AHI1: variants seen among roughly 807,000 people sequenced by gnomAD.
The protein encoded by AHI1 is jouberin.
Under a neutral mutation model 149.3 loss-of-function variants are expected in AHI1, and 123 were observed. The ratio of observed to expected loss-of-function variants is 0.82; its 90% CI spans 0.71 to 0.96. The LOEUF (loss-of-function observed/expected upper bound fraction) is 0.96, where lower values mean the gene tolerates loss of function less well. AHI1 is among the 40% of genes least tolerant of loss of function. The pLI, the probability that AHI1 is intolerant of heterozygous loss-of-function variation, is 0.00. For missense variants in AHI1, 1,439 were observed against 1,422.7 expected (o/e 1.01, Z -0.18); for synonymous variants, 475 against 459.8 (o/e 1.03, Z -0.42).
At position 135,463,324 on chromosome 6, in the gene AHI1, G is replaced by GT. The variant is rs778758797; in HGVS notation, c.750-19dup. 8.9e-6 allele frequency: 14 copies of GT among 1,565,380 alleles called. No homozygotes were observed. In the African/African-American group the frequency reaches 1.5e-4, roughly 17 times the overall value. ...TCAATGTACTACAAATATAATCCAA[G>GT]TATCAGCCATTACAGATATATTATC... On this transcript the variant is annotated intron_variant, in intron 7 of 28. Coordinates refer to ENST00000265602, the MANE Select transcript of AHI1 (RefSeq NM_001134831.2).
chr6:135,370,678 C>G (rs899086462), intron 23 of AHI1, among the ~76,000 whole-genome samples: 1 of 152,186 alleles, frequency 6.6e-6, no homozygotes, highest in African/African-American at 2.4e-5. Context: ...GTGACCACAT[C>G]TCTTTGATGG....
chr6:135,454,027 GA>G (rs1788537001), intron 10 of AHI1, among the ~76,000 whole-genome samples: 2 of 152,070 alleles, frequency 1.3e-5, no homozygotes, highest in Admixed American at 1.3e-4. Context: ...GCTCAGCTGC[GA>G]AAATGAGATT....
At chr6:135,442,066 G>A (rs1388363753) in intron 14 of AHI1, among the ~76,000 whole-genome samples, 1 of 152,134 alleles carries the variant, frequency 6.6e-6, no homozygotes, top group African/African-American at 2.4e-5. Context: ...GTCTAGAACA[G>A]TATGATAATG....
chr6:135,451,092 G>A (rs1469087905), intron 11 of AHI1, among the ~76,000 whole-genome samples: 1 of 151,908 alleles, frequency 6.6e-6, no homozygotes, highest in Non-Finnish European at 1.5e-5. Context: ...CATTCCCTGT[G>A]TCCAAGCAAT....
intron 22 of AHI1, among the ~76,000 whole-genome samples, chr6:135,399,137 T>C (rs554707607): frequency 2.0e-5 from 3 of 152,230 alleles, no homozygotes; most frequent in Non-Finnish European, 2.9e-5. Flanking sequence ...TGAGCTGTGA[T>C]GATGCTACTG....
rs1200875878 is a variant in AHI1, at chr6:135,466,333, G to A, written c.230C>T (p.Thr77Ile). The A allele has an allele frequency of 6.2e-7, 1 of 1,613,848 alleles. No homozygotes were observed. The highest frequency in any genetic ancestry group is 2.2e-5 in the East Asian group (1 of 44,876). Residue 77 changes from threonine to isoleucine, a missense_variant, in exon 7 of 29, where the codon ACT (threonine) becomes ATT (isoleucine). Thr to Ile is a moderately conservative substitution (Grantham distance 89, BLOSUM62 -1). Transcript: ENST00000265602. ...IRSNLPHIKE[T>I]TSDDVSAANT... is the part of the protein sequence containing the mutation. The stretch of plus-strand genomic sequence containing the variant: ...AGCAGCACTTACATCATCACTTGTA[G>A]TTTCTTTAATATGGGGAAGATTGCT...
At chr6:135,444,719 T>TA (rs1312125998) in intron 13 of AHI1, among the ~76,000 whole-genome samples, 5 of 152,270 alleles carry the variant, frequency 3.3e-5, no homozygotes. Context: ...AGTAACTTGC[T>TA]AACTTTAAAT....
At chr6:135,377,651 T>C (rs1467034213) in intron 23 of AHI1, among the ~76,000 whole-genome samples, 2 of 151,968 alleles carry the variant, frequency 1.3e-5, no homozygotes, top group African/African-American at 4.8e-5. Flanking sequence ...AGCTACTTTT[T>C]AAATTTTTTT....
At chr6:135,463,784 C>T (rs760972867) in intron 7 of AHI1, among the ~76,000 whole-genome samples, 1 of 151,864 alleles carries the variant, frequency 6.6e-6, no homozygotes, top group Non-Finnish European at 1.5e-5. Flanking sequence ...CTGGGTTTCG[C>T]GCTGTCGCCC....
intron 27 of AHI1, among the ~76,000 whole-genome samples, chr6:135,296,128 T>C (rs1007076170): frequency 3.3e-5 from 5 of 152,236 alleles, no homozygotes; most frequent in Admixed American, 1.3e-4. Context: ...GTGCTAGGAT[T>C]ACAGGCGTGA....
intron 9 of AHI1, 151 bp downstream of exon 9, chr6:135,457,343 G>A: frequency 1.6e-6 from 1 of 615,370 alleles, no homozygotes; most frequent in East Asian, 2.8e-5. Context: ...TCTGATCAAT[G>A]TTAATGACTG....
At chr6:135,464,591 CTG>C (rs1458492094) in intron 7 of AHI1, among the ~76,000 whole-genome samples, 10 of 152,170 alleles carry the variant, frequency 6.6e-5, no homozygotes, top group Admixed American at 1.3e-4. Context: ...TCCAAAAAGA[CTG>C]TGACTTCTGT....
At chr6:135,368,720 C>T (rs1028512947) in intron 23 of AHI1, among the ~76,000 whole-genome samples, 2 of 151,814 alleles carry the variant, frequency 1.3e-5, no homozygotes, top group Non-Finnish European at 2.9e-5. Flanking sequence ...CCCATGCATC[C>T]CAAAATGCCA....
At chr6:135,406,319 A>C in intron 21 of AHI1, among the ~76,000 whole-genome samples, 1 of 152,170 alleles carries the variant, frequency 6.6e-6, no homozygotes, top group Non-Finnish European at 1.5e-5. Context: ...ACTGTATCTA[A>C]AGCGTATCAG....
chr6:135,380,714 T>A, intron 23 of AHI1, among the ~76,000 whole-genome samples: 1 of 143,748 alleles, frequency 7.0e-6, no homozygotes, highest in Non-Finnish European at 1.5e-5. Flanking sequence ...AAATTAAACA[T>A]CTTTTTAAGT....
intron 25 of AHI1, among the ~76,000 whole-genome samples, chr6:135,319,230 C>T (rs1302123431): frequency 1.3e-5 from 2 of 152,266 alleles, no homozygotes; most frequent in African/African-American, 4.8e-5. Context: ...CATGCCAACA[C>T]TTTGGGAGGC....
chr6:135,481,911 T>C (rs1352295653), intron 5 of AHI1, among the ~76,000 whole-genome samples: 1 of 151,612 alleles, frequency 6.6e-6, no homozygotes, highest in Non-Finnish European at 1.5e-5. Context: ...TATTGTTCCA[T>C]TGTCTTTTAG....
At position 135,307,755 on chromosome 6, in the gene AHI1, T is replaced by C. The variant is rs564245238; in HGVS notation, c.3427-7197A>G. ...CAATATTTATATTGTAATTTATATA[T>C]ATTATACATAAAAATTAAAATATAG... On this transcript the variant is annotated intron_variant, in intron 26 of 28. Coordinates refer to ENST00000265602, the MANE Select transcript of AHI1 (RefSeq NM_001134831.2). Among the ~76,000 whole-genome samples, 10 of 151,104 alleles carry C rather than the reference T, an allele frequency of 6.6e-5. No individual in the cohort carries two copies. The South Asian group carries it at 2.1e-3, about 31-fold the overall frequency.
intron 13 of AHI1, among the ~76,000 whole-genome samples, chr6:135,444,912 A>G (rs1379682128): frequency 6.6e-6 from 1 of 152,116 alleles, no homozygotes; most frequent in Non-Finnish European, 1.5e-5. Flanking sequence ...GGGACTCAGA[A>G]CTCCCAGAGG....
Sources: allele counts gnomAD v4.1 joint callset (sites outside exome capture counted in the v4.1 genomes callset), GRCh38; gene constraint gnomAD v4.1.1; transcripts MANE v1.5; gene names NCBI Gene and HGNC (gene_info 2026-07-23, HGNC 2026-07-21).